Variants in YAP1 observed in about 807,000 individuals in gnomAD.
YAP1 encodes transcriptional coactivator YAP1.
A neutral mutation model predicts 56.9 loss-of-function variants in YAP1; 5 were observed. That is an observed-to-expected ratio of 0.09 (90% CI 0.05 to 0.18). The LOEUF (loss-of-function observed/expected upper bound fraction) is 0.18, where lower values mean the gene tolerates loss of function less well. Ranked by LOEUF, YAP1 falls within the 10% of genes least tolerant of loss-of-function variation. The pLI is 1.00. For synonymous variants in YAP1, 265 were observed against 248.1 expected (o/e 1.07, Z -0.64); for missense variants, 539 against 651.8 (o/e 0.83, Z 1.88).
intron 4 of YAP1, among the ~76,000 whole-genome samples, chr11:102,193,576 G>A (rs889573828): frequency 1.3e-5 from 2 of 152,080 alleles, no homozygotes; most frequent in East Asian, 1.9e-4. Context: ...CATATGTTAC[G>A]GAGGATAAAC....
chr11:102,163,916 T>G (rs920200825), intron 3 of YAP1, among the ~76,000 whole-genome samples: 22 of 152,238 alleles, frequency 1.4e-4, no homozygotes, highest in African/African-American at 4.8e-4. Flanking sequence ...CATTTGTGAT[T>G]GGGCTTTTCT....
At chr11:102,111,875 C>T (rs775328653) in intron 1 of YAP1, among the ~76,000 whole-genome samples, 1 of 151,558 alleles carries the variant, frequency 6.6e-6, no homozygotes, top group Non-Finnish European at 1.5e-5. Flanking sequence ...GCGGCTCAGG[C>T]GATTTCGGAA....
chr11:102,186,814 A>ACGTGTGTGTGTG (rs1491283213), intron 4 of YAP1: 1 of 138,418 alleles, frequency 7.2e-6, no homozygotes, highest in Non-Finnish European at 1.6e-5. Context: ...TTTTTAAAAA[A>ACGTGTGTGTGTG]TGTGTGTGTG....
rs1238150999 is a variant in YAP1 at position 102,229,981 on chromosome 11, A to G, written c.*41A>G. 1 of 1,555,454 alleles carries G rather than the reference A, an allele frequency of 6.4e-7. No homozygotes were observed. Among genetic ancestry groups the G allele is most frequent in the African/African-American group, 1.4e-5 (1 of 73,352 alleles). On this transcript the variant is annotated 3_prime_UTR_variant, in exon 9 of 9. Transcript: ENST00000282441. ...TGAATTCTAAATCTGTGAAGGATCT[A>G]AGGAGACACATGCACCGGAAATTTC...
intron 2 of YAP1, among the ~76,000 whole-genome samples, chr11:102,150,446 T>A (rs929807250): frequency 6.6e-6 from 1 of 152,192 alleles, no homozygotes; most frequent in Non-Finnish European, 1.5e-5. Flanking sequence ...TTAGTTATCT[T>A]ACATAGCAAA....
chr11:102,209,383 C>A, intron 5 of YAP1, 134 bp from the exon 6 acceptor site: 1 of 780,506 alleles, frequency 1.3e-6, no homozygotes. Flanking sequence ...CTGTCTTCGT[C>A]AGTCTGCTTC....
chr11:102,222,888 G>T (rs1275577926), intron 6 of YAP1, among the ~76,000 whole-genome samples: 2 of 151,242 alleles, frequency 1.3e-5, no homozygotes, highest in African/African-American at 2.4e-5. Context: ...GGGGGAGGGG[G>T]TCGGGGGGTT....
intron 3 of YAP1, among the ~76,000 whole-genome samples, chr11:102,179,988 T>G (rs1947488441): frequency 6.6e-6 from 1 of 150,692 alleles, no homozygotes; most frequent in Admixed American, 6.7e-5. Context: ...TACATTCATT[T>G]CAGCCAACAT....
At chr11:102,199,290 A>G (rs1429242732) in intron 4 of YAP1, among the ~76,000 whole-genome samples, 2 of 152,196 alleles carry the variant, frequency 1.3e-5, no homozygotes, top group African/African-American at 4.8e-5. Context: ...ATCCAAGTTC[A>G]TTTGACTCTA....
At chr11:102,221,064 T>C (rs1378174369) in intron 6 of YAP1, among the ~76,000 whole-genome samples, 1 of 152,226 alleles carries the variant, frequency 6.6e-6, no homozygotes, top group Non-Finnish European at 1.5e-5. Flanking sequence ...TGAAGGTCAC[T>C]GGAATCCAGA....
Position 102,199,687 on chromosome 11 carries a change from A to G in YAP1, c.803-6206A>G, listed in dbSNP as rs78904226. ...GGGTAGGAATTTTTTAAAAATCTCT[A>G]TAGGTCAGAAAATAAAACCACATGA... On this transcript the variant is annotated intron_variant, in intron 4 of 8. Coordinates refer to ENST00000282441, the MANE Select transcript of YAP1 (RefSeq NM_001130145.3). 9.8e-5 allele frequency among the ~76,000 whole-genome samples: 15 copies of G among 152,326 alleles called. No individual in the cohort carries two copies. In the East Asian group the frequency reaches 1.9e-3, roughly 20 times the overall value.
intron 3 of YAP1, among the ~76,000 whole-genome samples, chr11:102,185,375 T>C (rs1382104355): frequency 1.3e-5 from 2 of 152,166 alleles, no homozygotes; most frequent in Non-Finnish European, 2.9e-5. Context: ...TTAGCACTTA[T>C]CTTGCCTCCT....
At chr11:102,205,190 G>T (rs528190038) in intron 4 of YAP1, among the ~76,000 whole-genome samples, 26 of 151,882 alleles carry the variant, frequency 1.7e-4, no homozygotes, top group African/African-American at 6.3e-4. Flanking sequence ...TTTGTGCTGG[G>T]GGTTACCATG....
chr11:102,205,688 C>T (rs537740053), intron 4 of YAP1, among the ~76,000 whole-genome samples: 224 of 151,848 alleles, frequency 1.5e-3, no homozygotes, highest in African/African-American at 4.8e-3. Flanking sequence ...TTTCTTTTCT[C>T]TTATGACTTC....
chr11:102,137,748 CTT>C (rs5794157), intron 2 of YAP1, among the ~76,000 whole-genome samples: 306 of 139,974 alleles, frequency 2.2e-3, no homozygotes, highest in Middle Eastern at 7.6e-3. Flanking sequence ...GAGTCATTGA[CTT>C]TTTTTTTTTT....
At chr11:102,147,477 A>G (rs1945391447) in intron 2 of YAP1, among the ~76,000 whole-genome samples, 1 of 152,220 alleles carries the variant, frequency 6.6e-6, no homozygotes, top group African/African-American at 2.4e-5. Flanking sequence ...AAATAAATCC[A>G]GACTCTGGTG....
intron 4 of YAP1, among the ~76,000 whole-genome samples, chr11:102,192,066 C>T (rs1217850253): frequency 6.6e-6 from 1 of 152,184 alleles, no homozygotes; most frequent in Non-Finnish European, 1.5e-5. Flanking sequence ...CTTGCCTCAC[C>T]GATCTCAGCT....
At chr11:102,200,054 CAT>C (rs1948770857) in intron 4 of YAP1, among the ~76,000 whole-genome samples, 1 of 152,152 alleles carries the variant, frequency 6.6e-6, no homozygotes, top group Non-Finnish European at 1.5e-5. Flanking sequence ...TACTTTTGTA[CAT>C]ATTGTACATA....
chr11:102,172,213 A>T (rs534257715), intron 3 of YAP1, among the ~76,000 whole-genome samples: 1 of 151,540 alleles, frequency 6.6e-6, no homozygotes. Flanking sequence ...TAAAAGAAAA[A>T]GTTGTGGCAG....
Sources: gnomAD v4.1 joint callset for allele counts (sites outside exome capture counted in the v4.1 genomes callset) on GRCh38, gnomAD v4.1.1 for gene constraint, MANE v1.5 for transcripts, NCBI Gene and HGNC (gene_info 2026-07-23, HGNC 2026-07-21) for gene names.